The following HSD17B4 variants were observed in gnomAD, a reference collection of about 807,000 sequenced individuals.
HSD17B4 encodes hydroxysteroid 17-beta dehydrogenase 4.
HSD17B4 carries 70 observed loss-of-function variants against 101.0 expected under a neutral mutation model. That is an observed-to-expected ratio of 0.69 (90% confidence interval 0.57 to 0.85). The LOEUF is 0.85. Ranked by LOEUF, HSD17B4 falls within the 40% of genes least tolerant of loss-of-function variation. HSD17B4 has a pLI of 0.00. For synonymous variants in HSD17B4, 347 were observed against 297.1 expected (o/e 1.17, Z -1.73); for missense variants, 984 against 892.4 (o/e 1.10, Z -1.31).
intron 17 of HSD17B4, among the ~76,000 whole-genome samples, chr5:119,524,658 A>T (rs878859359): frequency 6.6e-6 from 1 of 152,112 alleles, no homozygotes; most frequent in Admixed American, 6.6e-5. Context: ...TAAACTAGTG[A>T]TGTGGAAATC....
intron 17 of HSD17B4, among the ~76,000 whole-genome samples, chr5:119,524,085 G>A (rs1431989226): frequency 1.3e-5 from 2 of 151,932 alleles, no homozygotes; most frequent in Non-Finnish European, 2.9e-5. Flanking sequence ...ACTTCTCTTA[G>A]CATCTCATAT....
At chr5:119,533,860 A>G (rs1754324586) in intron 22 of HSD17B4, among the ~76,000 whole-genome samples, 1 of 152,140 alleles carries the variant, frequency 6.6e-6, no homozygotes, top group Non-Finnish European at 1.5e-5. Flanking sequence ...ACTTTATGGA[A>G]TAATGGTTCT....
At chr5:119,498,012 CAAGT>C in intron 12 of HSD17B4, among the ~76,000 whole-genome samples, 1 of 152,232 alleles carries the variant, frequency 6.6e-6, no homozygotes, top group Middle Eastern at 3.4e-3. Flanking sequence ...AACATGGCTG[CAAGT>C]AAAATGCTTC....
chr5:119,502,541 A>C (rs1034580939), intron 14 of HSD17B4, among the ~76,000 whole-genome samples: 3 of 151,944 alleles, frequency 2.0e-5, no homozygotes, highest in Admixed American at 6.6e-5. Context: ...AGTCTTTAAT[A>C]ATCATTTTTA....
At chr5:119,483,867 C>G (rs1447475665) in intron 8 of HSD17B4, among the ~76,000 whole-genome samples, 3 of 152,040 alleles carry the variant, frequency 2.0e-5, no homozygotes, top group African/African-American at 4.8e-5. Flanking sequence ...ATTATCACAA[C>G]CAAACAAAAT....
intron 17 of HSD17B4, among the ~76,000 whole-genome samples, chr5:119,523,093 G>C (rs1364242320): frequency 6.6e-6 from 1 of 152,064 alleles, no homozygotes; most frequent in Admixed American, 6.6e-5. Flanking sequence ...TAGTTACACT[G>C]TAGGCTTGAG....
intron 11 of HSD17B4, chr5:119,495,760 C>A: frequency 5.5e-6 from 1 of 180,932 alleles, no homozygotes; most frequent in Non-Finnish European, 1.2e-5. Context: ...AACCTCTGCC[C>A]CTTGGGTTCA....
intron 10 of HSD17B4, chr5:119,492,367 C>T: frequency 1.8e-6 from 1 of 540,820 alleles, no homozygotes; most frequent in African/African-American, 1.9e-5. Flanking sequence ...AGGACTTGTC[C>T]TGTTTTATTC....
At chr5:119,528,111 C>A (rs1026796231) in intron 20 of HSD17B4, among the ~76,000 whole-genome samples, 1 of 152,044 alleles carries the variant, frequency 6.6e-6, no homozygotes, top group Non-Finnish European at 1.5e-5. Flanking sequence ...ATAGTATTTT[C>A]TTTAATATGC....
chr5:119,500,047 G>T (rs890899672), intron 13 of HSD17B4, among the ~76,000 whole-genome samples: 1 of 152,136 alleles, frequency 6.6e-6, no homozygotes, highest in Non-Finnish European at 1.5e-5. Flanking sequence ...TAATTGTAAA[G>T]ATTTCAGCAT....
At chr5:119,475,122 A>G (rs1484309178) in intron 4 of HSD17B4, among the ~76,000 whole-genome samples, 2 of 152,072 alleles carry the variant, frequency 1.3e-5, no homozygotes, top group African/African-American at 4.8e-5. Flanking sequence ...GTTTGATTGA[A>G]CTCATAAGAA....
chr5:119,473,659 T>C (rs1373094608), intron 2 of HSD17B4, among the ~76,000 whole-genome samples: 1 of 152,136 alleles, frequency 6.6e-6, no homozygotes, highest in Non-Finnish European at 1.5e-5. Context: ...CACTGCACAG[T>C]TAAAAATTTC....
At chr5:119,469,258 G>A (rs920634696) in intron 2 of HSD17B4, among the ~76,000 whole-genome samples, 22 of 147,800 alleles carry the variant, frequency 1.5e-4, no homozygotes, top group African/African-American at 5.2e-4. Context: ...CTGGAGAGTT[G>A]TGTTTCTTTG....
intron 2 of HSD17B4, chr5:119,471,637 T>G: frequency 7.5e-7 from 1 of 1,340,298 alleles, no homozygotes; most frequent in South Asian, 1.7e-5. Flanking sequence ...TTGTTACAGC[T>G]TTCAAAATCT....
In HSD17B4 at chr5:119,474,479, A is replaced by C; in HGVS notation, c.280+19A>C. 2 of 1,541,450 alleles carry C rather than the reference A, an allele frequency of 1.3e-6. No individual in the cohort carries two copies. Among genetic ancestry groups the C allele is most frequent in the Non-Finnish European group, 1.8e-6 (2 of 1,113,722 alleles). The stretch of plus-strand genomic sequence containing the variant: ...AGAATAGGTGATGTTTCTTTGTGTT[A>C]TGGCTCTTGTGGAGCAACTTCTACC... On this transcript the variant is annotated intron_variant, in intron 4 of 23. Transcript: ENST00000510025.
At chr5:119,470,847 C>T (rs1350346184) in intron 2 of HSD17B4, among the ~76,000 whole-genome samples, 1 of 152,170 alleles carries the variant, frequency 6.6e-6, no homozygotes, top group Non-Finnish European at 1.5e-5. Flanking sequence ...ATTTTAATTT[C>T]TGTGATTTCG....
chr5:119,486,275 A>C (rs573239258), intron 8 of HSD17B4, among the ~76,000 whole-genome samples: 3 of 152,286 alleles, frequency 2.0e-5, no homozygotes, highest in Non-Finnish European at 2.9e-5. Flanking sequence ...GCCTTGGTAC[A>C]CTGTGAAAAA....
At chr5:119,482,744 C>G (rs1174876081) in intron 8 of HSD17B4, among the ~76,000 whole-genome samples, 2 of 151,960 alleles carry the variant, frequency 1.3e-5, no homozygotes, top group African/African-American at 4.8e-5. Context: ...TTGTATCTTG[C>G]AGCTCTCACT....
intron 2 of HSD17B4, chr5:119,456,631 C>T: frequency 2.1e-6 from 1 of 477,070 alleles, no homozygotes; most frequent in Non-Finnish European, 3.8e-6. Flanking sequence ...GCTATAACTC[C>T]AGTGACTCAG....
Sources: allele counts gnomAD v4.1 joint callset (sites outside exome capture counted in the v4.1 genomes callset), GRCh38; gene constraint gnomAD v4.1.1; transcripts MANE v1.5; gene names NCBI Gene and HGNC (gene_info 2026-07-23, HGNC 2026-07-21).